KSR2: variants seen among roughly 807,000 people sequenced by gnomAD.
KSR2 encodes kinase suppressor of ras 2.
KSR2 carries 25 observed loss-of-function variants against 107.8 expected under a neutral mutation model. The observed-to-expected ratio is 0.23, with a 90% CI of 0.17 to 0.32. KSR2 has a LOEUF of 0.32. KSR2 is among the 10% of genes least tolerant of loss of function. The pLI, the probability that KSR2 is intolerant of heterozygous loss-of-function variation, is 1.00. For missense variants in KSR2, 887 were observed against 1,268.9 expected (o/e 0.70, Z 4.57); for synonymous variants, 480 against 507.0 (o/e 0.95, Z 0.71).
At chr12:117,660,230 G>A (rs1052570102) in intron 5 of KSR2, among the ~76,000 whole-genome samples, 11 of 152,196 alleles carry the variant, frequency 7.2e-5, no homozygotes, top group Admixed American at 4.6e-4. Context: ...TCCTAGGGCT[G>A]CTATAATAAA....
At chr12:117,523,225 C>A (rs1231375454) in intron 14 of KSR2, among the ~76,000 whole-genome samples, 1 of 152,196 alleles carries the variant, frequency 6.6e-6, no homozygotes, top group Non-Finnish European at 1.5e-5. Flanking sequence ...TTTTGTCTCA[C>A]AAGGGAAGAG....
At chr12:117,711,685 G>A (rs1212952356) in intron 4 of KSR2, among the ~76,000 whole-genome samples, 1 of 152,196 alleles carries the variant, frequency 6.6e-6, no homozygotes, top group Non-Finnish European at 1.5e-5. Context: ...TGAGGACTTT[G>A]GCTATACTTC....
At chr12:117,527,996 T>TGTGA (rs967654168) in intron 12 of KSR2, among the ~76,000 whole-genome samples, 2 of 143,094 alleles carry the variant, frequency 1.4e-5, no homozygotes, top group East Asian at 2.0e-4. Context: ...TGTGTGTGTG[T>TGTGA]GATGCATTCA....
At chr12:117,569,397 A>G (rs1342572873) in intron 7 of KSR2, among the ~76,000 whole-genome samples, 1 of 152,228 alleles carries the variant, frequency 6.6e-6, no homozygotes, top group Non-Finnish European at 1.5e-5. Context: ...AGAAGTAGGT[A>G]CAAGCATGTC....
intron 3 of KSR2, among the ~76,000 whole-genome samples, chr12:117,793,158 ACG>A (rs1890336457): frequency 7.1e-6 from 1 of 141,316 alleles, no homozygotes; most frequent in South Asian, 2.3e-4. Context: ...ACCAATATGC[ACG>A]CACACCAACA....
At chr12:117,665,966 C>T (rs1884642754) in intron 5 of KSR2, among the ~76,000 whole-genome samples, 1 of 152,214 alleles carries the variant, frequency 6.6e-6, no homozygotes, top group South Asian at 2.1e-4. Flanking sequence ...CAGCCAGTCT[C>T]TTTGACTACC....
At chr12:117,649,219 A>G (rs1333572719) in intron 5 of KSR2, among the ~76,000 whole-genome samples, 1 of 152,228 alleles carries the variant, frequency 6.6e-6, no homozygotes, top group Non-Finnish European at 1.5e-5. Flanking sequence ...CTCCTGGACC[A>G]GAGTTTTGCC....
chr12:117,887,419 C>T (rs565591904), intron 1 of KSR2, among the ~76,000 whole-genome samples: 1 of 152,168 alleles, frequency 6.6e-6, no homozygotes, highest in South Asian at 2.1e-4. Context: ...TCCTTTCCAT[C>T]AAGAGACTAA....
intron 4 of KSR2, among the ~76,000 whole-genome samples, chr12:117,730,561 C>A (rs368902275): frequency 2.0e-5 from 3 of 148,576 alleles, no homozygotes; most frequent in Non-Finnish European, 3.1e-5. Flanking sequence ...GATGCTGAGC[C>A]GAGGCTGGAC....
intron 1 of KSR2, among the ~76,000 whole-genome samples, chr12:117,912,275 G>C (rs1302342975): frequency 6.6e-6 from 1 of 152,130 alleles, no homozygotes; most frequent in Non-Finnish European, 1.5e-5. Context: ...CTACTTCACT[G>C]GTATTTAGCT....
At chr12:117,916,479 C>T (rs1389041730) in intron 1 of KSR2, among the ~76,000 whole-genome samples, 1 of 152,148 alleles carries the variant, frequency 6.6e-6, no homozygotes, top group Non-Finnish European at 1.5e-5. Flanking sequence ...TTAAATGGAA[C>T]ACAGTATATG....
intron 7 of KSR2, among the ~76,000 whole-genome samples, chr12:117,576,495 T>TA (rs79421012): frequency 1.3e-5 from 2 of 151,648 alleles, no homozygotes; most frequent in South Asian, 2.1e-4. Flanking sequence ...TGCTTCTCCT[T>TA]AAAAAAAAAT....
chr12:117,704,454 C>A (rs1367728942), intron 4 of KSR2, among the ~76,000 whole-genome samples: 1 of 152,128 alleles, frequency 6.6e-6, no homozygotes, highest in Non-Finnish European at 1.5e-5. Flanking sequence ...GAGAAGGGAT[C>A]CCCCAAAACC....
intron 4 of KSR2, among the ~76,000 whole-genome samples, chr12:117,756,416 C>T (rs1367562118): frequency 6.6e-6 from 1 of 152,124 alleles, no homozygotes; most frequent in Admixed American, 6.5e-5. Flanking sequence ...CTACTCTGCC[C>T]GTACTTTATA....
Position 117,870,649 on chromosome 12 carries a change from T to C in KSR2, c.181-10218A>G, listed in dbSNP as rs140014861. Among the ~76,000 whole-genome samples the C allele has an allele frequency of 3.3e-4, 50 of 152,236 alleles. No homozygotes were observed. In the East Asian group the frequency reaches 9.7e-3, roughly 29 times the overall value. On this transcript the variant is annotated intron_variant, in intron 1 of 19. Transcript: ENST00000339824. ...AATTATCTGTGCAGTAGATACCCCA[T>C]ACACTCATGTCCTACTTGTTGAAGG...
chr12:117,610,518 T>C lies in KSR2; in HGVS notation c.1172-28159A>G, dbSNP rs10444500. Among the ~76,000 whole-genome samples, 904 of 152,206 alleles carry C rather than the reference T, an allele frequency of 5.9e-3. 5 individuals are homozygous for C. The highest frequency in any genetic ancestry group is 9.7e-3 in the Non-Finnish European group (662 of 67,996). On this transcript the variant is annotated intron_variant, in intron 5 of 19. Coordinates refer to ENST00000339824, the MANE Select transcript of KSR2 (RefSeq NM_173598.6). ...ACTCTTGGAAGCTGAGGCAGGCAGATAGGCAGATCTCTTGAGGTCAAGGGT... is the reference window on the plus strand; with the variant it reads ...ACTCTTGGAAGCTGAGGCAGGCAGACAGGCAGATCTCTTGAGGTCAAGGGT...
At chr12:117,701,351 G>A (rs914121748) in intron 4 of KSR2, among the ~76,000 whole-genome samples, 6 of 152,064 alleles carry the variant, frequency 3.9e-5, no homozygotes, top group Non-Finnish European at 7.4e-5. Flanking sequence ...CCTCAGACTC[G>A]CAAAGTGCGG....
chr12:117,860,892 T>C (rs2137246801), intron 1 of KSR2, among the ~76,000 whole-genome samples: 1 of 152,170 alleles, frequency 6.6e-6, no homozygotes, highest in South Asian at 2.1e-4. Context: ...CTAATTTTTG[T>C]ATTTTTAGCA....
At chr12:117,662,971 G>T (rs538431904) in intron 5 of KSR2, among the ~76,000 whole-genome samples, 9 of 152,192 alleles carry the variant, frequency 5.9e-5, no homozygotes, top group Admixed American at 1.3e-4. Context: ...TACGGGGATG[G>T]CTACAACCTG....
Sources: gnomAD v4.1 joint callset for allele counts (sites outside exome capture counted in the v4.1 genomes callset) on GRCh38, gnomAD v4.1.1 for gene constraint, MANE v1.5 for transcripts, NCBI Gene and HGNC (gene_info 2026-07-23, HGNC 2026-07-21) for gene names.